Variants in ME3 observed in about 807,000 individuals in gnomAD.
ME3 encodes the protein malic enzyme 3, also known as NADP-dependent malic enzyme, mitochondrial.
A neutral mutation model predicts 68.9 loss-of-function variants in ME3; 48 were observed. That is an observed-to-expected ratio of 0.70 (90% CI 0.55 to 0.89). ME3 has a LOEUF of 0.89. ME3 is among the 40% of genes least tolerant of loss of function. The pLI is 0.00. For synonymous variants in ME3, 320 were observed against 318.8 expected (o/e 1.00, Z -0.04); for missense variants, 675 against 797.4 (o/e 0.85, Z 1.85).
Position 86,442,801 on chromosome 11 carries a change from A to T in ME3, c.1653+20T>A, listed in dbSNP as rs1339584352. 6.3e-7 allele frequency: 1 copy of T among 1,582,900 alleles called. No individual in the cohort carries two copies. Among genetic ancestry groups the T allele is most frequent in the South Asian group, 1.1e-5 (1 of 90,082 alleles). ...GGTTGAGCCTCACTACCCATATTAC[A>T]GGGGTAGGATGCCCCTTACTTTGAT... On this transcript the variant is annotated intron_variant, in intron 14 of 14. Transcript: ENST00000543262.
At chr11:86,509,366 G>A (rs1490990002) in intron 4 of ME3, among the ~76,000 whole-genome samples, 6 of 151,412 alleles carry the variant, frequency 4.0e-5, no homozygotes, top group African/African-American at 1.5e-4. Flanking sequence ...GATGGGAAGA[G>A]AGGTTAGTGA....
chr11:86,520,690 A>G (rs933189904), intron 4 of ME3, among the ~76,000 whole-genome samples: 6 of 152,194 alleles, frequency 3.9e-5, no homozygotes, highest in Admixed American at 6.5e-5. Flanking sequence ...CAGGAACTGT[A>G]TCCTCCACTT....
chr11:86,508,973 C>T, intron 4 of ME3, 106 bp from the exon 5 acceptor site: 3 of 902,464 alleles, frequency 3.3e-6, no homozygotes, highest in African/African-American at 1.7e-5. Flanking sequence ...TGCCCATAGA[C>T]CTGGGCAAGA....
At chr11:86,602,264 T>G (rs1427184664) in intron 2 of ME3, among the ~76,000 whole-genome samples, 1 of 148,062 alleles carries the variant, frequency 6.8e-6, no homozygotes, top group East Asian at 2.2e-4. Context: ...AGTCTCAGGA[T>G]ACAAAATCAA....
intron 3 of ME3, among the ~76,000 whole-genome samples, chr11:86,558,989 G>A (rs1484150298): frequency 6.6e-6 from 1 of 152,164 alleles, no homozygotes; most frequent in Non-Finnish European, 1.5e-5. Context: ...TGGCATAGCA[G>A]AGAAATGAAA....
chr11:86,476,162 C>G (rs956377711), intron 7 of ME3, among the ~76,000 whole-genome samples: 6 of 152,164 alleles, frequency 3.9e-5, no homozygotes, highest in African/African-American at 1.4e-4. Context: ...GCAGGACGCT[C>G]AGTTCTAACA....
intron 2 of ME3, among the ~76,000 whole-genome samples, chr11:86,591,366 A>C (rs961470846): frequency 6.6e-6 from 1 of 152,202 alleles, no homozygotes; most frequent in African/African-American, 2.4e-5. Context: ...TTTAAAGATA[A>C]GTCATTTAAA....
intron 13 of ME3, among the ~76,000 whole-genome samples, chr11:86,444,361 G>T (rs1293460328): frequency 6.6e-6 from 1 of 152,152 alleles, no homozygotes; most frequent in Admixed American, 6.5e-5. Context: ...GAAGTGCCTT[G>T]TATGGAAATC....
At chr11:86,443,056 C>A in intron 13 of ME3, 137 bp from the exon 14 acceptor site, 1 of 620,914 alleles carries the variant, frequency 1.6e-6, no homozygotes, top group Non-Finnish European at 2.8e-6. Context: ...GACTCTGTTA[C>A]CAGGGAAGCT....
chr11:86,598,222 T>C (rs2139706952), intron 2 of ME3, among the ~76,000 whole-genome samples: 1 of 152,310 alleles, frequency 6.6e-6, no homozygotes, highest in South Asian at 2.1e-4. Context: ...GAATGGCATC[T>C]GGAAAATCGG....
chr11:86,608,277 G>C (rs906463349), intron 2 of ME3, among the ~76,000 whole-genome samples: 16 of 152,070 alleles, frequency 1.1e-4, no homozygotes, highest in African/African-American at 2.7e-4. Context: ...AAATACTGCC[G>C]TGTACCTCTT....
intron 2 of ME3, among the ~76,000 whole-genome samples, chr11:86,616,619 T>C (rs1942974014): frequency 1.3e-5 from 2 of 152,198 alleles, no homozygotes; most frequent in Non-Finnish European, 2.9e-5. Flanking sequence ...GTGATAGTCC[T>C]TTGAAAAACT....
chr11:86,560,770 A>ATATATATATT (rs1405684410), intron 2 of ME3, among the ~76,000 whole-genome samples: 3 of 132,092 alleles, frequency 2.3e-5, no homozygotes, highest in Non-Finnish European at 4.9e-5. Context: ...ATATATATAT[A>ATATATATATT]TATTTCCAGG....
At chr11:86,620,274 A>G (rs899839519) in intron 2 of ME3, among the ~76,000 whole-genome samples, 1 of 152,220 alleles carries the variant, frequency 6.6e-6, no homozygotes, top group Non-Finnish European at 1.5e-5. Context: ...CTAAATAACT[A>G]TATATCATTT....
intron 8 of ME3, chr11:86,457,812 AATTAC>A (rs1423550137): frequency 2.0e-5 from 25 of 1,256,280 alleles, no homozygotes; most frequent in Admixed American, 7.2e-5. Flanking sequence ...AGATTTCCAT[AATTAC>A]ATTTCCTGCA....
chr11:86,619,287 T>A (rs1409812091), intron 2 of ME3, among the ~76,000 whole-genome samples: 1 of 152,204 alleles, frequency 6.6e-6, no homozygotes, highest in Non-Finnish European at 1.5e-5. Context: ...AAATATGCAA[T>A]CTTGTTGGTG....
chr11:86,437,334 T>G (rs1197287999), downstream of ME3: 1 of 152,196 alleles, frequency 6.6e-6, no homozygotes, highest in African/African-American at 2.4e-5. Context: ...AAACTTAGAT[T>G]AATTTCATGT....
intron 5 of ME3, among the ~76,000 whole-genome samples, chr11:86,502,062 A>G (rs548181914): frequency 6.6e-6 from 1 of 152,372 alleles, no homozygotes; most frequent in African/African-American, 2.4e-5. Flanking sequence ...GCTAGGCCCA[A>G]GCTGCCCTTT....
chr11:86,603,163 C>T lies in ME3; in HGVS notation c.184-43340G>A, dbSNP rs190832407. On this transcript the variant is annotated intron_variant, in intron 2 of 14. Transcript: ENST00000543262. ...AACTACCATCAGAGTGAACAGGCAG[C>T]CTACAAAATGGGAGAAAATTTTCGC... is the stretch of plus-strand genomic sequence containing the variant. Among the ~76,000 whole-genome samples the T allele has an allele frequency of 1.2e-3, 184 of 152,188 alleles. 1 individual carries two copies. Among genetic ancestry groups the T allele is most frequent in the African/African-American group, 4.2e-3 (176 of 41,508 alleles).
Sources: allele counts gnomAD v4.1 joint callset (sites outside exome capture counted in the v4.1 genomes callset), GRCh38; gene constraint gnomAD v4.1.1; transcripts MANE v1.5; gene names NCBI Gene and HGNC (gene_info 2026-07-23, HGNC 2026-07-21).